Variants in TRDN observed in about 807,000 individuals in gnomAD.
TRDN encodes triadin in skeletal muscle.
TRDN carries 161 observed loss-of-function variants against 149.7 expected under a neutral mutation model. That is an observed-to-expected ratio of 1.08 (90% CI 0.95 to 1.23). The LOEUF (loss-of-function observed/expected upper bound fraction) is 1.23, where lower values mean the gene tolerates loss of function less well. TRDN is among the 50% of genes most tolerant of loss of function. The pLI, the probability that TRDN is intolerant of heterozygous loss-of-function variation, is 0.00. For missense variants in TRDN, 896 were observed against 823.5 expected (o/e 1.09, Z -1.08); for synonymous variants, 294 against 250.5 (o/e 1.17, Z -1.64).
intron 20 of TRDN, among the ~76,000 whole-genome samples, chr6:123,360,325 T>C (rs544144427): frequency 5.3e-5 from 8 of 152,076 alleles, no homozygotes; most frequent in Admixed American, 5.2e-4. Flanking sequence ...GAATGAGAAG[T>C]TCAGAGGATT....
chr6:123,271,583 G>A (rs1279918111), intron 29 of TRDN, among the ~76,000 whole-genome samples: 1 of 151,990 alleles, frequency 6.6e-6, no homozygotes. Flanking sequence ...ACCTCCCTGG[G>A]AACCCAGGAA....
intron 9 of TRDN, among the ~76,000 whole-genome samples, chr6:123,480,323 C>T (rs1186245914): frequency 5.3e-5 from 8 of 151,322 alleles, no homozygotes; most frequent in African/African-American, 1.2e-4. Context: ...TAAAATCTCA[C>T]GCTTAATTTA....
chr6:123,272,965 T>C lies in TRDN; in HGVS notation c.1671A>G (p.Pro557=), dbSNP rs935484433. The part of the protein sequence containing the change: ...KPEKTVSHGK[P]EEKVLKQVKA... Reference sequence around the variant, plus strand: ...CTACAAATACCACCTGCAAAATACCTGGTTTACCATGAGAAACAGTCTTTT... The same window carrying C: ...CTACAAATACCACCTGCAAAATACCCGGTTTACCATGAGAAACAGTCTTTT... Residue 557 remains proline, a splice_region_variant and synonymous_variant, in exon 29 of 41, where the codon CCA becomes CCG. Coordinates refer to ENST00000334268, the MANE Select transcript of TRDN (RefSeq NM_006073.4). 3.3e-5 allele frequency: 50 copies of C among 1,528,166 alleles called. No individual in the cohort carries two copies. Among genetic ancestry groups the C allele is most frequent in the Non-Finnish European group, 3.9e-5 (44 of 1,137,270 alleles). 94.7% of individuals were successfully genotyped at this position (1,528,166 alleles called of 1,614,324 possible). A position where few individuals can be genotyped will look rare whatever the true frequency, so the allele number is the denominator to read the frequency against.
At chr6:123,223,916 T>C (rs1417574759) in intron 39 of TRDN, among the ~76,000 whole-genome samples, 177 bp downstream of exon 39, 1 of 151,478 alleles carries the variant, frequency 6.6e-6, no homozygotes, top group South Asian at 2.1e-4. Context: ...AAAAGATGTA[T>C]ATTTTCCAAA....
At chr6:123,378,936 C>T (rs758574450) in intron 16 of TRDN, among the ~76,000 whole-genome samples, 4 of 152,110 alleles carry the variant, frequency 2.6e-5, no homozygotes, top group Non-Finnish European at 5.9e-5. Context: ...ATAATAAGTA[C>T]TAATTTTATA....
At chr6:123,525,473 T>C (rs548624028) in intron 5 of TRDN, among the ~76,000 whole-genome samples, 1 of 152,232 alleles carries the variant, frequency 6.6e-6, no homozygotes, top group African/African-American at 2.4e-5. Context: ...AAATATTGCA[T>C]GTTCTCACTT....
intron 21 of TRDN, among the ~76,000 whole-genome samples, chr6:123,347,983 C>T (rs1780320781): frequency 6.6e-6 from 1 of 152,034 alleles, no homozygotes; most frequent in African/African-American, 2.4e-5. Context: ...GTTGTAAGCG[C>T]TAACTCCAAG....
intron 30 of TRDN, 123 bp from the exon 31 acceptor site, chr6:123,269,989 C>T: frequency 2.3e-6 from 2 of 856,294 alleles, no homozygotes; most frequent in Non-Finnish European, 3.4e-6. Context: ...TAAACTTAAC[C>T]TGTTTTCTTT....
At chr6:123,561,265 T>G (rs1781978330) in intron 2 of TRDN, among the ~76,000 whole-genome samples, 1 of 152,154 alleles carries the variant, frequency 6.6e-6, no homozygotes, top group Admixed American at 6.5e-5. Context: ...AGTGAAACAT[T>G]TATATACCTT....
chr6:123,455,426 G>C (rs1444631246), intron 10 of TRDN, among the ~76,000 whole-genome samples: 1 of 149,476 alleles, frequency 6.7e-6, no homozygotes, highest in East Asian at 1.9e-4. Context: ...GTGTGTGTGT[G>C]TGTGTGTGTG....
chr6:123,584,961 G>T (rs894202748), intron 1 of TRDN, among the ~76,000 whole-genome samples: 2 of 152,090 alleles, frequency 1.3e-5, no homozygotes, highest in Non-Finnish European at 2.9e-5. Context: ...AGAGTTTATA[G>T]GCTTTAAATG....
chr6:123,567,089 T>C (rs1782331413), intron 2 of TRDN, among the ~76,000 whole-genome samples: 1 of 152,188 alleles, frequency 6.6e-6, no homozygotes, highest in Non-Finnish European at 1.5e-5. Flanking sequence ...TTTCATCTGA[T>C]AGGGAAATAC....
At chr6:123,604,848 T>C (rs1178656089) in intron 1 of TRDN, among the ~76,000 whole-genome samples, 2 of 152,028 alleles carry the variant, frequency 1.3e-5, no homozygotes, top group African/African-American at 4.8e-5. Context: ...GTGGTGTCAT[T>C]CACCACTACG....
At chr6:123,474,526 A>G (rs1777359927) in intron 9 of TRDN, among the ~76,000 whole-genome samples, 1 of 152,106 alleles carries the variant, frequency 6.6e-6, no homozygotes, top group Non-Finnish European at 1.5e-5. Flanking sequence ...ACAGACAGAA[A>G]GTCAACAAGG....
At chr6:123,357,062 T>C (rs947899511) in intron 20 of TRDN, among the ~76,000 whole-genome samples, 3 of 151,914 alleles carry the variant, frequency 2.0e-5, no homozygotes, top group Admixed American at 2.0e-4. Flanking sequence ...AGCTATCTTT[T>C]ATTCCGCCTT....
chr6:123,301,473 T>C (rs1176273706), intron 24 of TRDN, among the ~76,000 whole-genome samples: 1 of 151,798 alleles, frequency 6.6e-6, no homozygotes, highest in Non-Finnish European at 1.5e-5. Flanking sequence ...TCCCTGCCTG[T>C]AGCTTGGGCA....
chr6:123,616,023 G>A (rs1314549559), intron 1 of TRDN, among the ~76,000 whole-genome samples: 2 of 152,070 alleles, frequency 1.3e-5, no homozygotes, highest in African/African-American at 2.4e-5. Flanking sequence ...ATATATATGT[G>A]TCAGTTAAAA....
rs186288260 is a variant in TRDN, at chr6:123,411,287, C to T, written c.1052-17610G>A. Among the ~76,000 whole-genome samples the T allele has an allele frequency of 3.4e-4, 52 of 152,020 alleles. No individual in the cohort carries two copies. In the East Asian group the frequency reaches 8.2e-3, roughly 24 times the overall value. ...GTCTCGAACTCCTGACCTCATGATC[C>T]GCCTGCCTCGGCTTCCCAAAATGCT... On this transcript the variant is annotated intron_variant, in intron 12 of 40. Transcript: ENST00000334268.
chr6:123,267,668 G>A (rs1345037101), intron 32 of TRDN, 39 bp downstream of exon 32: 1 of 1,354,322 alleles, frequency 7.4e-7, no homozygotes, highest in Admixed American at 2.5e-5. Flanking sequence ...TAAAAATAGT[G>A]AACATAAGAC....
Sources: gnomAD v4.1 joint callset for allele counts (sites outside exome capture counted in the v4.1 genomes callset) on GRCh38, gnomAD v4.1.1 for gene constraint, MANE v1.5 for transcripts, NCBI Gene and HGNC (gene_info 2026-07-23, HGNC 2026-07-21) for gene names.